Variants in MAP4K5 observed in about 807,000 individuals in gnomAD.
MAP4K5 encodes the protein MAPK/ERK kinase kinase kinase 5.
In MAP4K5, 82 loss-of-function variants were observed where a neutral mutation model predicts 135.6. The ratio of observed to expected loss-of-function variants is 0.60; its 90% CI spans 0.51 to 0.73. The LOEUF is 0.73. MAP4K5 is among the 30% of genes least tolerant of loss of function. MAP4K5 has a pLI of 0.00. For missense variants in MAP4K5, 907 were observed against 1,010.9 expected (o/e 0.90, Z 1.39); for synonymous variants, 347 against 335.0 (o/e 1.04, Z -0.39).
At chr14:50,480,315 ACT>A (rs959882947) in intron 6 of MAP4K5, among the ~76,000 whole-genome samples, 24 of 151,388 alleles carry the variant, frequency 1.6e-4, no homozygotes, top group African/African-American at 5.8e-4. Flanking sequence ...ATTCAATGAC[ACT>A]CTGTTATATT....
At chr14:50,558,262 G>A (rs1037005759) in intron 1 of MAP4K5, among the ~76,000 whole-genome samples, 1 of 152,224 alleles carries the variant, frequency 6.6e-6, no homozygotes. Context: ...GAGAGGCTGA[G>A]GCATGAGAAT....
chr14:50,500,370 G>A (rs2037682640), intron 3 of MAP4K5, among the ~76,000 whole-genome samples: 1 of 152,160 alleles, frequency 6.6e-6, no homozygotes, highest in African/African-American at 2.4e-5. Context: ...ATGACCAGGA[G>A]CCTTCAGAGC....
intron 9 of MAP4K5, among the ~76,000 whole-genome samples, chr14:50,474,349 C>T (rs1031397071): frequency 6.6e-6 from 1 of 151,268 alleles, no homozygotes; most frequent in African/African-American, 2.4e-5. Context: ...GTGATTGTGC[C>T]ACCGCACTCC....
At chr14:50,549,687 C>T (rs962712437) in intron 1 of MAP4K5, among the ~76,000 whole-genome samples, 8 of 152,108 alleles carry the variant, frequency 5.3e-5, no homozygotes, top group Non-Finnish European at 1.2e-4. Flanking sequence ...CCACGATATC[C>T]AACACTGGGC....
At chr14:50,456,673 T>A in intron 13 of MAP4K5, 79 bp from the exon 14 acceptor site, 31 of 824,516 alleles carry the variant, frequency 3.8e-5, no homozygotes, top group Non-Finnish European at 5.5e-5. Context: ...TTATCATTTA[T>A]TGATAAATAT....
At chr14:50,479,791 T>TC (rs979502536) in intron 6 of MAP4K5, among the ~76,000 whole-genome samples, 5 of 152,166 alleles carry the variant, frequency 3.3e-5, no homozygotes, top group African/African-American at 1.2e-4. Flanking sequence ...TCAAAAATAC[T>TC]CCAATACTCT....
At chr14:50,479,005 GTTT>G (rs371399947) in intron 6 of MAP4K5, among the ~76,000 whole-genome samples, 135,450 of 151,288 alleles carry the variant, frequency 0.9, 61,115 homozygotes, top group East Asian at 1. Context: ...AGTTTTTTTC[GTTT>G]TTTTTTTTTT....
intron 12 of MAP4K5, 61 bp from the exon 13 acceptor site, chr14:50,462,842 T>C: frequency 1.1e-6 from 1 of 940,034 alleles, no homozygotes; most frequent in Non-Finnish European, 1.7e-6. Flanking sequence ...TTAAAGAAAA[T>C]GCTATCTTCA....
chr14:50,502,409 G>A (rs987326357), intron 3 of MAP4K5, among the ~76,000 whole-genome samples: 7 of 152,062 alleles, frequency 4.6e-5, no homozygotes, highest in East Asian at 1.9e-4. Flanking sequence ...AATCAATGGC[G>A]AAGTAAATAT....
intron 2 of MAP4K5, among the ~76,000 whole-genome samples, chr14:50,506,472 C>T (rs997959180): frequency 2.0e-5 from 3 of 152,178 alleles, no homozygotes; most frequent in Non-Finnish European, 4.4e-5. Flanking sequence ...GATCCTCCCA[C>T]CTCAGCCTCC....
chr14:50,526,701 C>G (rs996661697), intron 2 of MAP4K5, among the ~76,000 whole-genome samples: 1 of 152,200 alleles, frequency 6.6e-6, no homozygotes, highest in African/African-American at 2.4e-5. Context: ...ACAAATACTT[C>G]TTTAATGAAT....
intron 9 of MAP4K5, among the ~76,000 whole-genome samples, 166 bp downstream of exon 9, chr14:50,474,911 A>C (rs1310349224): frequency 6.6e-6 from 1 of 152,230 alleles, no homozygotes; most frequent in Non-Finnish European, 1.5e-5. Flanking sequence ...CTGAACCATG[A>C]ATATGAGCAT....
intron 1 of MAP4K5, among the ~76,000 whole-genome samples, chr14:50,556,210 A>G (rs991090388): frequency 3.9e-5 from 6 of 152,134 alleles, no homozygotes; most frequent in African/African-American, 1.4e-4. Flanking sequence ...CTTAGATTGT[A>G]CAATTCAGTG....
intron 2 of MAP4K5, among the ~76,000 whole-genome samples, chr14:50,523,135 C>A (rs2131839): frequency 0.95 from 143,814 of 152,058 alleles, 68,531 homozygotes; most frequent in East Asian, 1. Flanking sequence ...AACATGGAGA[C>A]ATCCCATCTC....
At position 50,475,056 on chromosome 14, in the gene MAP4K5, T is replaced by C. The variant is rs370835517; in HGVS notation, c.542+21A>G. The C allele has an allele frequency of 2.5e-6, 4 of 1,590,770 alleles. No individual in the cohort carries two copies. In the African/African-American group the frequency reaches 5.4e-5, roughly 21 times the overall value. ...ATGAAGAAATGAAAATGGATCAAAT[T>C]CAATCACAGTAATGTCTTACCAGTA... On this transcript the variant is annotated intron_variant, in intron 9 of 32. Transcript: ENST00000682126.
chr14:50,481,098 T>C (rs1474932997), intron 6 of MAP4K5, among the ~76,000 whole-genome samples: 1 of 151,746 alleles, frequency 6.6e-6, no homozygotes, highest in African/African-American at 2.4e-5. Context: ...TACTCAGTAC[T>C]TTGTTTAATA....
intron 1 of MAP4K5, among the ~76,000 whole-genome samples, chr14:50,556,390 A>AT (rs554007896): frequency 1.1e-4 from 17 of 151,400 alleles, no homozygotes; most frequent in South Asian, 1.0e-3. Context: ...TAGTTTTTCT[A>AT]TTTTTTTTAT....
At chr14:50,560,889 T>G (rs953185588) in intron 1 of MAP4K5, among the ~76,000 whole-genome samples, 1 of 152,138 alleles carries the variant, frequency 6.6e-6, no homozygotes, top group Non-Finnish European at 1.5e-5. Flanking sequence ...TGGGAATTCC[T>G]GAGCACTGCA....
intron 2 of MAP4K5, among the ~76,000 whole-genome samples, chr14:50,538,884 A>T (rs569614232): frequency 6.6e-6 from 1 of 152,178 alleles, no homozygotes; most frequent in Non-Finnish European, 1.5e-5. Context: ...AACAAGTGCT[A>T]TCATACTGTA....
Sources: allele counts gnomAD v4.1 joint callset (sites outside exome capture counted in the v4.1 genomes callset), GRCh38; gene constraint gnomAD v4.1.1; transcripts MANE v1.5; gene names NCBI Gene and HGNC (gene_info 2026-07-23, HGNC 2026-07-21).